Variants in FBLN5 observed in about 807,000 individuals in gnomAD.
FBLN5 encodes fibulin-5.
FBLN5 carries 24 observed loss-of-function variants against 61.6 expected under a neutral mutation model. That is an observed-to-expected ratio of 0.39 (90% confidence interval 0.28 to 0.55). The LOEUF is 0.55. Among genes scored for constraint, FBLN5 ranks in the 20% least tolerant of loss-of-function variants. The pLI, the probability that FBLN5 is intolerant of heterozygous loss-of-function variation, is 0.65. For synonymous variants in FBLN5, 213 were observed against 219.8 expected, an observed-to-expected ratio of 0.97 and a Z score of 0.27; for missense variants, 470 against 594.1, an observed-to-expected ratio of 0.79 and a Z score of 2.17.
intron 4 of FBLN5, among the ~76,000 whole-genome samples, chr14:91,904,490 C>T (rs1890592473): frequency 6.6e-6 from 1 of 152,238 alleles, no homozygotes; most frequent in African/African-American, 2.4e-5. Context: ...CCTCAACTTC[C>T]AGAAGTTCTA....
chr14:91,881,175 T>C, intron 9 of FBLN5, 117 bp downstream of exon 9: 2 of 1,053,336 alleles, frequency 1.9e-6, no homozygotes, highest in Non-Finnish European at 2.9e-6. Context: ...ATGACGTAGG[T>C]AGTAGGCCAG....
intron 4 of FBLN5, among the ~76,000 whole-genome samples, chr14:91,927,167 T>C (rs1181488962): frequency 9.9e-5 from 15 of 152,144 alleles, no homozygotes; most frequent in Non-Finnish European, 1.5e-4. Context: ...TCAAACAGGA[T>C]TCCTCATTTA....
chr14:91,919,346 A>AAAAAGAAAAGAAAAGAAAAG (rs1224425076), intron 4 of FBLN5, among the ~76,000 whole-genome samples: 1 of 85,438 alleles, frequency 1.2e-5, no homozygotes, highest in African/African-American at 4.2e-5. Context: ...AAAGAAAAAA[A>AAAAAGAAAAGAAAAGAAAAG]AAAAGAAAAG....
In FBLN5 at chr14:91,870,314, G is replaced by C; in HGVS notation, c.1257C>G (p.Asp419Glu). ...PIKGPREIQLDLEMITVNTVI... is the reference protein window; with the variant it reads ...PIKGPREIQLELEMITVNTVI... ...CAGTGTTGACAGTGATCATTTCCAA[G>C]TCCAGCTGGATTTCCCGGGGCCCTT... is the stretch of plus-strand genomic sequence containing the variant. The change falls in exon 11 of 11, where the codon GAC becomes GAG. Residue 419 changes from aspartate (D) to glutamate (E), a missense_variant. Coordinates refer to ENST00000342058, the MANE Select transcript of FBLN5 (RefSeq NM_006329.4). The C allele has an allele frequency of 6.2e-7, 1 of 1,614,188 alleles. No individual in the cohort carries two copies. The highest frequency in any genetic ancestry group is 8.5e-7 in the Non-Finnish European group (1 of 1,180,008).
intron 6 of FBLN5, among the ~76,000 whole-genome samples, chr14:91,887,846 A>T (rs578238463): frequency 6.6e-6 from 1 of 152,256 alleles, no homozygotes; most frequent in Non-Finnish European, 1.5e-5. Context: ...GAGGTTAAGT[A>T]GGTTAAGGAG....
At chr14:91,946,960 G>T in intron 1 of FBLN5, 1 of 1,460,934 alleles carries the variant, frequency 6.8e-7, no homozygotes. Context: ...GAAGCGCTGA[G>T]AATTTCGCAG....
chr14:91,870,958 TACACATGGACACAAAGAAGGGAAAA>T (rs1367607383), intron 10 of FBLN5, among the ~76,000 whole-genome samples: 1 of 151,974 alleles, frequency 6.6e-6, no homozygotes, highest in East Asian at 1.9e-4. Flanking sequence ...ATTGAGTACA[TACACATGGACACAAAGAAGGGAAAA>T]ACAGGCACCA....
chr14:91,911,276 C>T (rs951450004), intron 4 of FBLN5, among the ~76,000 whole-genome samples: 1 of 152,202 alleles, frequency 6.6e-6, no homozygotes, highest in Non-Finnish European at 1.5e-5. Flanking sequence ...TGAGCCACCA[C>T]GCCTGGCCAG....
chr14:91,881,665 C>T (rs1378362517), intron 8 of FBLN5, among the ~76,000 whole-genome samples: 1 of 152,118 alleles, frequency 6.6e-6, no homozygotes, highest in East Asian at 1.9e-4. Flanking sequence ...CAGTGGCTTA[C>T]GTCTGTAATC....
chr14:91,883,143 A>G (rs533885312), intron 7 of FBLN5, 67 bp from the exon 8 acceptor site: 15 of 1,567,446 alleles, frequency 9.6e-6, no homozygotes, highest in Non-Finnish European at 1.3e-5. Context: ...CTTAGTGGCC[A>G]TCTACTCCAA....
intron 4 of FBLN5, among the ~76,000 whole-genome samples, chr14:91,929,113 A>ACACC (rs1307165968): frequency 1.5e-5 from 2 of 136,804 alleles, no homozygotes; most frequent in African/African-American, 6.0e-5. Flanking sequence ...ACACACACAC[A>ACACC]CCCCACACAC....
intron 4 of FBLN5, among the ~76,000 whole-genome samples, chr14:91,899,119 T>C (rs1396146260): frequency 1.3e-5 from 2 of 150,436 alleles, no homozygotes; most frequent in African/African-American, 4.9e-5. Flanking sequence ...ATTCATTCTT[T>C]ATGCTCTACA....
chr14:91,879,589 C>T (rs1889325018), intron 9 of FBLN5, among the ~76,000 whole-genome samples: 1 of 152,192 alleles, frequency 6.6e-6, no homozygotes, highest in Non-Finnish European at 1.5e-5. Flanking sequence ...CTGGAAAAAC[C>T]CAGAGAGAAC....
chr14:91,929,516 C>T (rs2055888960), intron 4 of FBLN5, among the ~76,000 whole-genome samples: 1 of 152,196 alleles, frequency 6.6e-6, no homozygotes, highest in Non-Finnish European at 1.5e-5. Flanking sequence ...AAATGTCACA[C>T]AGCTAATAAG....
At chr14:91,879,476 A>T (rs959943203) in intron 9 of FBLN5, among the ~76,000 whole-genome samples, 72 of 152,136 alleles carry the variant, frequency 4.7e-4, no homozygotes, top group African/African-American at 1.7e-3. Context: ...GGAGTGAGGG[A>T]GTCACGGAGC....
chr14:91,923,587 C>A lies in FBLN5; in HGVS notation c.379+13360G>T, dbSNP rs151329406. On this transcript the variant is annotated intron_variant, in intron 4 of 10. Coordinates refer to ENST00000342058, the MANE Select transcript of FBLN5 (RefSeq NM_006329.4). ...CTCTGACATGGAAATCCTATTCAAT[C>A]CTGCAAAGACTTGCTAAAGGCCACC... Among the ~76,000 whole-genome samples, 522 of 152,342 alleles carry A rather than the reference C, an allele frequency of 3.4e-3. 9 individuals are homozygous for A. The highest frequency in any genetic ancestry group is 0.034 in the East Asian group (174 of 5,188).
intron 10 of FBLN5, among the ~76,000 whole-genome samples, chr14:91,876,223 C>T (rs985161849): frequency 3.9e-5 from 6 of 152,182 alleles, no homozygotes; most frequent in South Asian, 2.1e-4. Context: ...CATGGACCCT[C>T]GGAAAGCCAG....
chr14:91,941,362 C>T (rs564695973), intron 2 of FBLN5, among the ~76,000 whole-genome samples: 17 of 152,258 alleles, frequency 1.1e-4, no homozygotes, highest in African/African-American at 4.1e-4. Context: ...AGGGTTGTAG[C>T]TTTTACATAC....
chr14:91,872,062 A>C (rs1888959859), intron 10 of FBLN5, among the ~76,000 whole-genome samples: 1 of 152,158 alleles, frequency 6.6e-6, no homozygotes, highest in South Asian at 2.1e-4. Context: ...ATCTAAAAGC[A>C]CAGGACCCAG....
Sources: allele counts gnomAD v4.1 joint callset (sites outside exome capture counted in the v4.1 genomes callset), GRCh38; gene constraint gnomAD v4.1.1; transcripts MANE v1.5; gene names NCBI Gene and HGNC (gene_info 2026-07-23, HGNC 2026-07-21).